SMCHD1: variants seen among roughly 807,000 people sequenced by gnomAD.
SMCHD1 encodes the protein structural maintenance of chromosomes flexible hinge domain-containing protein 1.
A neutral mutation model predicts 254.7 loss-of-function variants in SMCHD1; 78 were observed. The observed-to-expected ratio is 0.31, with a 90% CI of 0.26 to 0.37. SMCHD1 has a LOEUF of 0.37. Ranked by LOEUF, SMCHD1 falls within the 10% of genes least tolerant of loss-of-function variation. The pLI is 1.00. For missense variants in SMCHD1, 1,840 were observed against 2,408.1 expected (o/e 0.76, Z 4.94); for synonymous variants, 766 against 794.9 (o/e 0.96, Z 0.61).
chr18:2,797,803 G>C (rs150960954), intron 47 of SMCHD1, among the ~76,000 whole-genome samples: 3,936 of 152,264 alleles, frequency 0.026, 74 homozygotes, highest in Non-Finnish European at 0.042. Flanking sequence ...TGTAATCCCA[G>C]CTACTCGGGA....
chr18:2,758,320 T>C (rs1369818549), intron 34 of SMCHD1, among the ~76,000 whole-genome samples: 2 of 152,202 alleles, frequency 1.3e-5, no homozygotes, highest in African/African-American at 4.8e-5. Context: ...TCCTTGGAGA[T>C]TTGTAACGTG....
At position 2,718,378 on chromosome 18, in the gene SMCHD1, C is replaced by T; in HGVS notation, c.2402C>T (p.Ala801Val). The part of the protein sequence containing the change: ...KLQVVLNESN[A>V]DTYAGRPLPS... ...CAAGTTGTGTTGAATGAAAGTAATGCAGACACTTATGCAGGAAGACCACTA... is the reference window on the plus strand; with the variant it reads ...CAAGTTGTGTTGAATGAAAGTAATGTAGACACTTATGCAGGAAGACCACTA... Residue 801 changes from alanine to valine, a missense_variant, in exon 19 of 48, where the codon GCA (alanine) becomes GTA (valine). Transcript: ENST00000320876. This position sits in a 1 kb window ranked among gnomAD's most constrained non-coding sequence, Gnocchi z 4.6. The T allele has an allele frequency of 6.2e-7, 1 of 1,612,440 alleles. No individual in the cohort carries two copies. The highest frequency in any genetic ancestry group is 1.7e-4 in the Middle Eastern group (1 of 6,056).
intron 28 of SMCHD1, among the ~76,000 whole-genome samples, chr18:2,743,333 A>G (rs1429779316): frequency 2.0e-5 from 3 of 152,196 alleles, no homozygotes; most frequent in African/African-American, 7.2e-5. Context: ...GGGGATAGAT[A>G]GTATGCCAAT....
Position 2,728,578 on chromosome 18 carries a change from A to G in SMCHD1, c.2895A>G (p.Lys965=). The change falls in exon 23 of 48, where the codon AAA becomes AAG. Residue 965 remains lysine, a synonymous_variant. Coordinates refer to ENST00000320876, the MANE Select transcript of SMCHD1 (RefSeq NM_015295.3). ...DESDNITAQP[K]LIVHCKFSGA... ...CAGACAACATAACAGCACAACCAAA[A>G]TTGATTGTTCATTGTAAGGTAAGCT... 2 of 1,612,486 alleles carry G rather than the reference A, an allele frequency of 1.2e-6. No individual in the cohort carries two copies. The highest frequency in any genetic ancestry group is 1.7e-6 in the Non-Finnish European group (2 of 1,179,246).
At chr18:2,736,679 T>G (rs1379022675) in intron 25 of SMCHD1, among the ~76,000 whole-genome samples, 2 of 152,060 alleles carry the variant, frequency 1.3e-5, no homozygotes, top group African/African-American at 2.4e-5. Context: ...CATGGAGAAA[T>G]GCAAGTCAAA....
intron 25 of SMCHD1, among the ~76,000 whole-genome samples, chr18:2,735,228 T>A (rs937408070): frequency 2.0e-5 from 3 of 152,202 alleles, no homozygotes; most frequent in African/African-American, 7.2e-5. Flanking sequence ...AAAATGCTTT[T>A]GATAAAATCC....
At chr18:2,777,119 T>G (rs568096179) in intron 42 of SMCHD1, among the ~76,000 whole-genome samples, 1 of 149,954 alleles carries the variant, frequency 6.7e-6, no homozygotes, top group Admixed American at 6.7e-5. Flanking sequence ...CAGGAGGGCT[T>G]CTTTATCTCT....
chr18:2,747,463 A>G, intron 29 of SMCHD1, 59 bp from the exon 30 acceptor site: 1 of 1,420,082 alleles, frequency 7.0e-7, no homozygotes, highest in Admixed American at 2.1e-5. Context: ...ATATACAAGT[A>G]ATTGCATTGT....
At chr18:2,783,457 AATGAAGT>A (rs2076190669) in intron 44 of SMCHD1, among the ~76,000 whole-genome samples, 1 of 152,166 alleles carries the variant, frequency 6.6e-6, no homozygotes, top group African/African-American at 2.4e-5. Context: ...TCTGGTTACC[AATGAAGT>A]TTAACTTTTA....
chr18:2,732,189 T>G, intron 24 of SMCHD1, 76 bp from the exon 25 acceptor site: 1 of 1,099,800 alleles, frequency 9.1e-7, no homozygotes, highest in Non-Finnish European at 1.3e-6. Context: ...TTCCATAATA[T>G]TGAAAGTAAA....
chr18:2,751,860 TG>T (rs2075579311), intron 33 of SMCHD1, among the ~76,000 whole-genome samples: 1 of 152,148 alleles, frequency 6.6e-6, no homozygotes, highest in Non-Finnish European at 1.5e-5. Flanking sequence ...AAAATTCTAA[TG>T]TTTTTAACCT....
intron 46 of SMCHD1, 23 bp downstream of exon 46, chr18:2,796,130 C>G: frequency 6.8e-7 from 1 of 1,477,044 alleles, no homozygotes; most frequent in Non-Finnish European, 9.0e-7. Flanking sequence ...TTTTTGTTAA[C>G]TTCTACTTTC....
At chr18:2,758,285 A>G (rs1369275736) in intron 34 of SMCHD1, among the ~76,000 whole-genome samples, 2 of 152,036 alleles carry the variant, frequency 1.3e-5, no homozygotes, top group East Asian at 1.9e-4. Context: ...TAGTTATACA[A>G]TCTTTCACTG....
intron 19 of SMCHD1, among the ~76,000 whole-genome samples, chr18:2,721,449 A>C (rs755303019): frequency 1.3e-4 from 19 of 151,996 alleles, no homozygotes; most frequent in Non-Finnish European, 2.5e-4. Context: ...ACACCTGTGG[A>C]ACATATTTTC....
chr18:2,726,785 G>A (rs1364668570), intron 22 of SMCHD1: 1 of 206,686 alleles, frequency 4.8e-6, no homozygotes. Context: ...CTTGGAATAT[G>A]TCTATTAGGC....
intron 44 of SMCHD1, among the ~76,000 whole-genome samples, chr18:2,781,399 G>A (rs1179132641): frequency 6.6e-6 from 1 of 152,148 alleles, no homozygotes; most frequent in Non-Finnish European, 1.5e-5. Flanking sequence ...GTAAACATTT[G>A]GTTTCATGTG....
At chr18:2,678,251 CTT>C (rs67021044) in intron 5 of SMCHD1, among the ~76,000 whole-genome samples, 52,279 of 102,372 alleles carry the variant, frequency 0.51, 13,983 homozygotes, top group East Asian at 0.65. Context: ...TTCGTTCTTT[CTT>C]TCTCTCTCTC....
intron 1 of SMCHD1, among the ~76,000 whole-genome samples, 159 bp downstream of exon 1, chr18:2,656,420 G>C (rs1163223581): frequency 2.0e-5 from 3 of 152,208 alleles, no homozygotes. Flanking sequence ...CCGTGACCTG[G>C]TGGCCGGACG....
intron 5 of SMCHD1, among the ~76,000 whole-genome samples, chr18:2,685,176 T>A (rs1598312043): frequency 1.4e-5 from 2 of 142,546 alleles, no homozygotes; most frequent in East Asian, 2.2e-4. Flanking sequence ...CTCGGCTCAC[T>A]GCAAACTCTG....
Sources: gnomAD v4.1 joint callset for allele counts (sites outside exome capture counted in the v4.1 genomes callset) on GRCh38, gnomAD v4.1.1 for gene constraint, Gnocchi (gnomAD v3.1) non-coding constraint, MANE v1.5 for transcripts, NCBI Gene and HGNC (gene_info 2026-07-23, HGNC 2026-07-21) for gene names.